The following ADAM8 variants were observed in gnomAD, a reference collection of about 807,000 sequenced individuals.
The protein encoded by ADAM8 is disintegrin and metalloproteinase domain-containing protein 8.
ADAM8 carries 104 observed loss-of-function variants against 102.4 expected under a neutral mutation model. The observed-to-expected ratio is 1.02, with a 90% CI of 0.87 to 1.20. The LOEUF (loss-of-function observed/expected upper bound fraction) is 1.20, where lower values mean the gene tolerates loss of function less well. Ranked by LOEUF, ADAM8 falls within the 50% of genes most tolerant of loss-of-function variation. ADAM8 has a pLI of 0.00. For synonymous variants in ADAM8, 517 were observed against 485.2 expected, an observed-to-expected ratio of 1.07 and a Z score of -0.86; for missense variants, 1,132 against 1,159.0, an observed-to-expected ratio of 0.98 and a Z score of 0.34.
intron 18 of ADAM8, 27 bp from the exon 19 acceptor site, chr10:133,268,889 G>A (rs1846423641): frequency 6.3e-7 from 1 of 1,597,302 alleles, no homozygotes; most frequent in South Asian, 1.1e-5. Context: ...CCCACATCAG[G>A]CAGGCAGGCC....
chr10:133,265,615 C>G (rs2136072847), intron 21 of ADAM8, among the ~76,000 whole-genome samples: 1 of 152,098 alleles, frequency 6.6e-6, no homozygotes, highest in African/African-American at 2.4e-5. Flanking sequence ...CACAGTGAAA[C>G]CCCGTCTCTA....
Position 133,272,955 on chromosome 10 carries a change from A to T in ADAM8, c.636+2T>A. 6.2e-7 allele frequency: 1 copy of T among 1,610,794 alleles called. No homozygotes were observed. Among genetic ancestry groups the T allele is most frequent in the Non-Finnish European group, 8.5e-7 (1 of 1,179,214 alleles). On this transcript the variant is annotated splice_donor_variant, in intron 7 of 22. Transcript: ENST00000445355. LOFTEE classifies it high-confidence loss of function. ...CTCCCACCTTCCCTGCCCCCAACAC[A>T]CCTCTGCATTGTCCACGACCACATA...
rs1368993277 is a variant in ADAM8, at chr10:133,268,019, C to T, written c.2163G>A (p.Arg721=). 4 of 1,261,296 alleles carry T rather than the reference C, an allele frequency of 3.2e-6. No individual in the cohort carries two copies. Among genetic ancestry groups the T allele is most frequent in the East Asian group, 3.1e-5 (1 of 32,432 alleles). The allele number at this position is 1,261,296 out of a possible 1,614,324, so 78.1% of individuals were successfully genotyped here. A position where few individuals can be genotyped will look rare whatever the true frequency, so the allele number is the denominator to read the frequency against. ...PAKGGAPAPS[R]GPQELVPTTH... ...TGGTGGGGACCAGCTCTTGGGGGCC[C>T]CTGGATGGGGCTGGAGCCCCGCCCT... is the stretch of plus-strand genomic sequence containing the variant. Residue 721 remains arginine, a synonymous_variant, in exon 20 of 23, where the codon AGG becomes AGA. Transcript: ENST00000445355.
Position 133,262,850 on chromosome 10 carries a change from C to A in ADAM8, c.*306G>T. ...GGCTGTATATGTGGCCTCCTGAACACAGCGGGAGACCAGCGGCCACCTGGA... is the reference window on the plus strand; with the variant it reads ...GGCTGTATATGTGGCCTCCTGAACAAAGCGGGAGACCAGCGGCCACCTGGA... On this transcript the variant is annotated 3_prime_UTR_variant, in exon 23 of 23. Coordinates refer to ENST00000445355, the MANE Select transcript of ADAM8 (RefSeq NM_001109.5). The A allele has an allele frequency of 2.3e-6, 1 of 440,598 alleles. No individual in the cohort carries two copies. Among genetic ancestry groups the A allele is most frequent in the Non-Finnish European group, 4.2e-6 (1 of 240,340 alleles). 27.3% of individuals were successfully genotyped at this position (440,598 alleles called of 1,614,324 possible).
In ADAM8 at chr10:133,273,976, T is replaced by G; in HGVS notation, c.281A>C (p.Glu94Ala). The change falls in exon 4 of 23, where the codon GAG becomes GCG. Residue 94 changes from glutamate (E) to alanine (A), a missense_variant. Glu to Ala is a moderately radical substitution (Grantham distance 107, BLOSUM62 -1). Transcript: ENST00000445355. ...CTGCCCGCGAGGCTGCTCCGTCACC[T>G]CGGAGCCATTGGCAGCCGTATAGGT... ...TETYTAANGSEVTEQPRGQDH... is the reference protein window; with the variant it reads ...TETYTAANGSAVTEQPRGQDH... 6.2e-7 allele frequency: 1 copy of G among 1,605,272 alleles called. No homozygotes were observed. Among genetic ancestry groups the G allele is most frequent in the Non-Finnish European group, 8.5e-7 (1 of 1,177,990 alleles).
chr10:133,274,319 G>C (rs937260151), intron 2 of ADAM8, 84 bp from the exon 3 acceptor site: 29 of 1,278,966 alleles, frequency 2.3e-5, no homozygotes, highest in African/African-American at 1.2e-4. Context: ...AAGCTCAGCT[G>C]GGGGGGAAGG....
intron 5 of ADAM8, 79 bp downstream of exon 5, chr10:133,273,683 C>T (rs1846634158): frequency 1.4e-6 from 2 of 1,475,980 alleles, no homozygotes; most frequent in Non-Finnish European, 1.8e-6. Context: ...CCCTCCCTGC[C>T]TCCCTTCCCC....
chr10:133,272,415 C>G lies in ADAM8; in HGVS notation c.875+1G>C. 6.3e-7 allele frequency: 1 copy of G among 1,594,474 alleles called. No homozygotes were observed. The highest frequency in any genetic ancestry group is 8.5e-7 in the Non-Finnish European group (1 of 1,170,848). ...CCACCCTGCCCGCTCCGCCAGCTCA[C>G]GTGATGAGCTGTACGTTGTCATGCA... On this transcript the variant is annotated splice_donor_variant, in intron 9 of 22. Coordinates refer to ENST00000445355, the MANE Select transcript of ADAM8 (RefSeq NM_001109.5). LOFTEE classifies it high-confidence loss of function.
intron 14 of ADAM8, 21 bp from the exon 15 acceptor site, chr10:133,270,826 T>G: frequency 6.2e-7 from 1 of 1,611,638 alleles, no homozygotes; most frequent in South Asian, 1.1e-5. Context: ...AGAAGCGGGT[T>G]AGCCCTGGCA....
In ADAM8 at chr10:133,272,625, C is replaced by T. The variant is rs369146078; in HGVS notation, c.706-40G>A. ...GAGTCCTGGGGGTCAGGCAGGGTGG[C>T]GGAAGGTACAGCAGGGAGGGTGGGT... On this transcript the variant is annotated intron_variant, in intron 8 of 22. Transcript: ENST00000445355. The T allele has an allele frequency of 1.8e-5, 28 of 1,580,130 alleles. 1 individual carries two copies. The South Asian group carries it at 2.7e-4, about 16-fold the overall frequency.
rs993675416 is a variant in ADAM8, at chr10:133,270,406, G to A, written c.1739C>T (p.Thr580Ile). 3 of 1,600,710 alleles carry A rather than the reference G, an allele frequency of 1.9e-6. No individual in the cohort carries two copies. The highest frequency in any genetic ancestry group is 2.6e-6 in the Non-Finnish European group (3 of 1,170,102). ...GCCCTCGGGCACTGGTTCATACGCA[G>A]TGCCATCCTCTGTGGTGAGCGCGTG... ...VCHALTTEDGTAYEPVPEGTR... is the reference protein window; with the variant it reads ...VCHALTTEDGIAYEPVPEGTR... The change falls in exon 16 of 23, where the codon ACT becomes ATT. Residue 580 changes from threonine to isoleucine, a missense_variant. Thr to Ile is a moderately conservative substitution (Grantham distance 89). Coordinates refer to ENST00000445355, the MANE Select transcript of ADAM8 (RefSeq NM_001109.5).
At chr10:133,263,254 T>C (rs3008318) in intron 22 of ADAM8, 21 bp from the exon 23 acceptor site, 1,412,232 of 1,578,682 alleles carry the variant, frequency 0.89, 632,162 homozygotes, top group East Asian at 0.94. Flanking sequence ...GAAAAGATAA[T>C]TGATGTTGAA....
rs574610493 is a variant in ADAM8 at position 133,271,008 on chromosome 10, A to C, written c.1437T>G (p.Cys479Trp). ...CCGGGCACTCAGGGTGCCGGCCGTC[A>C]CAGAACTCCTCGAGGTCACACATGT... ...KKDMCDLEEF[C>W]DGRHPECPED... is the part of the protein sequence containing the mutation. The change falls in exon 14 of 23, where the codon TGT (cysteine) becomes TGG (tryptophan). Residue 479 changes from cysteine to tryptophan, a missense_variant. Transcript: ENST00000445355. 124 of 1,612,854 alleles carry C rather than the reference A, an allele frequency of 7.7e-5. No homozygotes were observed. Among genetic ancestry groups the C allele is most frequent in the Admixed American group, 7.7e-4 (46 of 60,022 alleles).
intron 20 of ADAM8, 42 bp downstream of exon 20, chr10:133,267,887 C>T: frequency 3.2e-6 from 4 of 1,257,534 alleles, no homozygotes; most frequent in Non-Finnish European, 4.0e-6. Flanking sequence ...GGGGCCTGGG[C>T]ACTGCTTTCG....
chr10:133,275,695 G>C (rs1026582955), intron 1 of ADAM8, 108 bp from the exon 2 acceptor site: 1 of 602,938 alleles, frequency 1.7e-6, no homozygotes, highest in Non-Finnish European at 2.7e-6. Flanking sequence ...ACCCTCCCCT[G>C]GGGAACTCAC....
chr10:133,272,986 C>T lies in ADAM8; in HGVS notation c.607G>A (p.Glu203Lys). 6.2e-7 allele frequency: 1 copy of T among 1,612,916 alleles called. No individual in the cohort carries two copies. The highest frequency in any genetic ancestry group is 1.3e-5 in the African/African-American group (1 of 75,040). The change falls in exon 7 of 23, where the codon GAG becomes AAG. Residue 203 changes from glutamate (E) to lysine (K), a missense_variant. Glu to Lys is a moderately conservative substitution (Grantham distance 56). Coordinates refer to ENST00000445355, the MANE Select transcript of ADAM8 (RefSeq NM_001109.5). ...GCATTGTCCACGACCACATACAGCT[C>T]CACGTAGCGGGTCTCTCGGGATGGC... ...SLPSRETRYV[E>K]LYVVVDNAEF...
At position 133,267,292 on chromosome 10, in the gene ADAM8, T is replaced by C. The variant is rs937850304; in HGVS notation, c.2319+60A>G. ...CCCCGGTGCAGTGCACAGACCCCAA[T>C]CCCATCAGGAAGGCCTGGACACCCT... On this transcript the variant is annotated intron_variant, in intron 21 of 22. Transcript: ENST00000445355. 16 of 1,533,912 alleles carry C rather than the reference T, an allele frequency of 1.0e-5. No individual in the cohort carries two copies. In the East Asian group the frequency reaches 3.7e-4, roughly 35 times the overall value.
chr10:133,267,132 C>T (rs1206929478), intron 21 of ADAM8, among the ~76,000 whole-genome samples: 3 of 152,190 alleles, frequency 2.0e-5, no homozygotes, highest in African/African-American at 7.2e-5. Flanking sequence ...GACCCCCAAA[C>T]CAGCTCCAAC....
intron 9 of ADAM8, 50 bp from the exon 10 acceptor site, chr10:133,272,324 T>TTGCCC: frequency 7.0e-7 from 1 of 1,430,756 alleles, no homozygotes; most frequent in Non-Finnish European, 9.4e-7. Context: ...CCTCCCCACT[T>TTGCCC]CCCTCCCACC....
Sources: gnomAD v4.1 joint callset for allele counts (sites outside exome capture counted in the v4.1 genomes callset) on GRCh38, gnomAD v4.1.1 for gene constraint, MANE v1.5 for transcripts, NCBI Gene and HGNC (gene_info 2026-07-23, HGNC 2026-07-21) for gene names.